CNNM2: variants seen among roughly 807,000 people sequenced by gnomAD.
CNNM2 encodes cyclin and CBS domain divalent metal cation transport mediator 2.
CNNM2 carries 12 observed loss-of-function variants against 66.9 expected under a neutral mutation model. The ratio of observed to expected loss-of-function variants is 0.18; its 90% CI spans 0.11 to 0.29. The LOEUF (loss-of-function observed/expected upper bound fraction) is 0.29. Ranked by LOEUF, CNNM2 falls within the 10% of genes least tolerant of loss-of-function variation. The pLI is 1.00. For missense variants in CNNM2, 705 were observed against 1,167.7 expected (o/e 0.60, Z 5.77); for synonymous variants, 557 against 501.8 (o/e 1.11, Z -1.47).
intron 4 of CNNM2, among the ~76,000 whole-genome samples, chr10:103,066,269 C>A (rs1291414109): frequency 6.6e-6 from 1 of 152,144 alleles, no homozygotes; most frequent in Non-Finnish European, 1.5e-5. Flanking sequence ...TTTCCTGTCT[C>A]AGGTCCCCAT....
At chr10:103,036,822 C>T (rs920086620) in intron 1 of CNNM2, among the ~76,000 whole-genome samples, 4 of 152,062 alleles carry the variant, frequency 2.6e-5, no homozygotes, top group Admixed American at 2.6e-4. Context: ...GCATAAGGGC[C>T]ACTGTCAATA....
At chr10:102,979,993 A>C (rs968467442) in intron 1 of CNNM2, among the ~76,000 whole-genome samples, 1 of 151,514 alleles carries the variant, frequency 6.6e-6, no homozygotes, top group African/African-American at 2.4e-5. Flanking sequence ...GGCTCACTGC[A>C]ATCTCTGCCT....
At chr10:103,029,350 C>T (rs1432930093) in intron 1 of CNNM2, among the ~76,000 whole-genome samples, 1 of 151,074 alleles carries the variant, frequency 6.6e-6, no homozygotes, top group Non-Finnish European at 1.5e-5. Flanking sequence ...CACCTGTAAT[C>T]CCAGCTCCTC....
At chr10:103,026,896 T>C (rs980878548) in intron 1 of CNNM2, among the ~76,000 whole-genome samples, 13 of 152,198 alleles carry the variant, frequency 8.5e-5, no homozygotes, top group Admixed American at 7.9e-4. Context: ...AAATCAGTCT[T>C]GTATGTGTTT....
chr10:103,068,847 G>T (rs146684309), intron 5 of CNNM2, 125 bp downstream of exon 5: 4 of 681,480 alleles, frequency 5.9e-6, no homozygotes, highest in South Asian at 4.0e-5. Context: ...CTTTTTTTTT[G>T]AAGTATATCA....
chr10:103,038,752 T>C (rs2064987084), intron 1 of CNNM2, among the ~76,000 whole-genome samples: 1 of 152,182 alleles, frequency 6.6e-6, no homozygotes, highest in Non-Finnish European at 1.5e-5. Context: ...CGGCCACTTA[T>C]GGGTCAGACT....
rs1291093268 is a variant in CNNM2, at chr10:103,088,049, A to ATAT, written c.*10871_*10873dup. 3.3e-5 allele frequency: 5 copies of ATAT among 152,118 alleles called. No individual in the cohort carries two copies. Among genetic ancestry groups the ATAT allele is most frequent in the African/African-American group, 1.2e-4 (5 of 41,460 alleles). The allele number at this position is 152,118 out of a possible 1,614,324, so 9.4% of individuals were successfully genotyped here. ...ATGTTAGAACATAATCAGTTCTTGA[A>ATAT]TATTTATTTCCTTTAAGAGAATATC... On this transcript the variant is annotated 3_prime_UTR_variant, in exon 8 of 8. Transcript: ENST00000369878.
chr10:103,089,470 A>C lies in CNNM2; in HGVS notation c.*12290A>C, dbSNP rs992047191. On this transcript the variant is annotated 3_prime_UTR_variant, in exon 8 of 8. Coordinates refer to ENST00000369878, the MANE Select transcript of CNNM2 (RefSeq NM_017649.5). Reference sequence around the variant, plus strand: ...TTTCTTCTAATACAGACTCCATTACAATTTTGGACCATCTGCAGAGAGTAC... The same window carrying C: ...TTTCTTCTAATACAGACTCCATTACCATTTTGGACCATCTGCAGAGAGTAC... The C allele has an allele frequency of 4.8e-6, 4 of 839,644 alleles. No individual in the cohort carries two copies. In the East Asian group the frequency reaches 1.2e-4, roughly 26 times the overall value. The allele number at this position is 839,644 out of a possible 1,614,324, so 52.0% of individuals were successfully genotyped here.
intron 1 of CNNM2, among the ~76,000 whole-genome samples, chr10:102,946,528 T>A (rs1846623779): frequency 6.6e-6 from 1 of 152,218 alleles, no homozygotes. Context: ...AGGACTTTTT[T>A]AAAGCACTTG....
chr10:102,955,059 C>T (rs1169684209), intron 1 of CNNM2, among the ~76,000 whole-genome samples: 2 of 152,112 alleles, frequency 1.3e-5, no homozygotes, highest in Admixed American at 6.6e-5. Flanking sequence ...AAAAAGGGCC[C>T]GTGTTGCCAA....
chr10:103,016,919 C>T (rs1246995243), intron 1 of CNNM2, among the ~76,000 whole-genome samples: 1 of 151,958 alleles, frequency 6.6e-6, no homozygotes, highest in African/African-American at 2.4e-5. Context: ...GCCCCAATCT[C>T]ACTGCAACAT....
At chr10:102,937,779 C>T (rs1282700552) in intron 1 of CNNM2, among the ~76,000 whole-genome samples, 1 of 140,008 alleles carries the variant, frequency 7.1e-6, no homozygotes, top group Non-Finnish European at 1.6e-5. Context: ...TGGATGTATA[C>T]AGAAACCTTT....
intron 1 of CNNM2, among the ~76,000 whole-genome samples, chr10:102,928,933 T>G (rs182888179): frequency 3.9e-5 from 6 of 152,320 alleles, no homozygotes; most frequent in African/African-American, 1.4e-4. Flanking sequence ...TTAGCGTGTG[T>G]CCTTATAATT....
Position 102,940,687 on chromosome 10 carries a change from G to A in CNNM2, c.1621+20586G>A, listed in dbSNP as rs7093087. ...CCCTCCTTGGCCTCCTAAAGTGCTG[G>A]GATTACAGGTGTGAGCCACCGCGCC... On this transcript the variant is annotated intron_variant, in intron 1 of 7. Transcript: ENST00000369878. Among the ~76,000 whole-genome samples, 32,196 of 149,698 alleles carry A rather than the reference G, an allele frequency of 0.22. 3,622 individuals carry two copies. The highest frequency in any genetic ancestry group is 0.31 in the African/African-American group (12,438 of 40,684).
intron 1 of CNNM2, among the ~76,000 whole-genome samples, chr10:103,019,060 G>T (rs1474959230): frequency 6.6e-6 from 1 of 151,542 alleles, no homozygotes; most frequent in Non-Finnish European, 1.5e-5. Flanking sequence ...TTGAGCCCAG[G>T]AGTTAGAGAC....
chr10:103,081,617 C>T lies in CNNM2; in HGVS notation c.*4437C>T, dbSNP rs547682780. 1.3e-5 allele frequency: 2 copies of T among 152,274 alleles called. No homozygotes were observed. The highest frequency in any genetic ancestry group is 4.8e-5 in the African/African-American group (2 of 41,542). The allele number at this position is 152,274 out of a possible 1,614,324, so 9.4% of individuals were successfully genotyped here. On this transcript the variant is annotated 3_prime_UTR_variant, in exon 8 of 8. Coordinates refer to ENST00000369878, the MANE Select transcript of CNNM2 (RefSeq NM_017649.5). Reference sequence around the variant, plus strand: ...AGACTTCTAAGTTGAGGTTCATTTGCCTCCGTTTGAGGGGTGAGTGGTGCA... The same window carrying T: ...AGACTTCTAAGTTGAGGTTCATTTGTCTCCGTTTGAGGGGTGAGTGGTGCA...
intron 1 of CNNM2, among the ~76,000 whole-genome samples, chr10:102,982,287 GTCTC>G (rs1564831061): frequency 6.6e-6 from 1 of 152,092 alleles, no homozygotes; most frequent in Non-Finnish European, 1.5e-5. Flanking sequence ...ATATTGGTCT[GTCTC>G]TCTAGACCTT....
intron 1 of CNNM2, among the ~76,000 whole-genome samples, chr10:102,927,882 A>C (rs537663131): frequency 6.6e-6 from 1 of 152,344 alleles, no homozygotes; most frequent in African/African-American, 2.4e-5. Context: ...ATGACTGAAC[A>C]TAAACACTGC....
At chr10:103,009,558 G>A (rs2064295922) in intron 1 of CNNM2, among the ~76,000 whole-genome samples, 2 of 151,272 alleles carry the variant, frequency 1.3e-5, no homozygotes, top group African/African-American at 2.4e-5. Flanking sequence ...GAGCATGATG[G>A]TGTGTTCCTA....
Sources: gnomAD v4.1 joint callset for allele counts (sites outside exome capture counted in the v4.1 genomes callset) on GRCh38, gnomAD v4.1.1 for gene constraint, MANE v1.5 for transcripts, NCBI Gene and HGNC (gene_info 2026-07-23, HGNC 2026-07-21) for gene names.